RABGAP1L: variants seen among roughly 807,000 people sequenced by gnomAD.
RABGAP1L encodes rab GTPase-activating protein 1-like.
RABGAP1L carries 63 observed loss-of-function variants against 137.7 expected under a neutral mutation model. The ratio of observed to expected loss-of-function variants is 0.46; its 90% confidence interval spans 0.37 to 0.56. RABGAP1L has a LOEUF of 0.56. RABGAP1L is among the 20% of genes least tolerant of loss of function. The pLI, the probability that RABGAP1L is intolerant of heterozygous loss-of-function variation, is 0.00. For synonymous variants in RABGAP1L, 431 were observed against 433.7 expected (o/e 0.99, Z 0.08); for missense variants, 1,095 against 1,244.0 (o/e 0.88, Z 1.80).
At chr1:174,574,421 C>G (rs1668212540) in intron 13 of RABGAP1L, among the ~76,000 whole-genome samples, 1 of 151,886 alleles carries the variant, frequency 6.6e-6, no homozygotes, top group Non-Finnish European at 1.5e-5. Flanking sequence ...CGATCTTGTT[C>G]TCAATGAAAG....
intron 19 of RABGAP1L, among the ~76,000 whole-genome samples, chr1:174,935,719 C>T (rs947134755): frequency 2.7e-4 from 41 of 152,134 alleles, no homozygotes; most frequent in African/African-American, 9.2e-4. Flanking sequence ...CAGTGGCTCA[C>T]GCCTGTAATC....
At position 174,434,562 on chromosome 1, in the gene RABGAP1L, A is replaced by C. The variant is rs1032482145; in HGVS notation, c.1710+40417A>C. On this transcript the variant is annotated intron_variant, in intron 13 of 25. Coordinates refer to ENST00000681986, the MANE Select transcript of RABGAP1L (RefSeq NM_001366446.1). The stretch of plus-strand genomic sequence containing the variant: ...TCCAAACTGTTTGTCAAAGTTTTCA[A>C]AGTTGAGCCATTTTACACTACTACC... Among the ~76,000 whole-genome samples the C allele has an allele frequency of 1.1e-4, 16 of 152,292 alleles. 1 individual carries two copies. Among genetic ancestry groups the C allele is most frequent in the Admixed American group, 1.0e-3 (16 of 15,296 alleles).
intron 13 of RABGAP1L, among the ~76,000 whole-genome samples, chr1:174,499,200 T>G (rs1183324059): frequency 6.6e-6 from 1 of 152,120 alleles, no homozygotes; most frequent in Non-Finnish European, 1.5e-5. Context: ...ATAGTTTATA[T>G]ATTCTTGATT....
intron 19 of RABGAP1L, chr1:174,945,856 C>G (rs1375326592): frequency 6.6e-6 from 1 of 152,154 alleles, no homozygotes; most frequent in African/African-American, 2.4e-5. Context: ...TATAAATCTT[C>G]TGAGTGGTTT....
intron 14 of RABGAP1L, among the ~76,000 whole-genome samples, chr1:174,667,110 C>A (rs1251411103): frequency 6.6e-6 from 1 of 151,852 alleles, no homozygotes; most frequent in Non-Finnish European, 1.5e-5. Flanking sequence ...TAAGTTTTAT[C>A]CTGTGGTCAG....
chr1:174,969,881 A>G lies in RABGAP1L; in HGVS notation c.2544+494A>G, dbSNP rs561328202. Reference sequence around the variant, plus strand: ...AATGCTGGCACCACCACTGTGAACCATATGACCCTGGACAGTTCTTAAGCT... The same window carrying G: ...AATGCTGGCACCACCACTGTGAACCGTATGACCCTGGACAGTTCTTAAGCT... On this transcript the variant is annotated intron_variant, in intron 21 of 25. Coordinates refer to ENST00000681986, the MANE Select transcript of RABGAP1L (RefSeq NM_001366446.1). Among the ~76,000 whole-genome samples the G allele has an allele frequency of 2.0e-5, 3 of 152,360 alleles. No homozygotes were observed. In the South Asian group the frequency reaches 6.2e-4, roughly 32 times the overall value.
chr1:174,636,527 CAAAA>C (rs11348226), intron 13 of RABGAP1L, among the ~76,000 whole-genome samples: 3 of 135,266 alleles, frequency 2.2e-5, no homozygotes, highest in Admixed American at 7.5e-5. Flanking sequence ...GACTCTACTT[CAAAA>C]AAAAAAAAAA....
At chr1:174,799,813 AATCG>A in intron 18 of RABGAP1L, 3 of 998,014 alleles carry the variant, frequency 3.0e-6, no homozygotes, top group Non-Finnish European at 3.6e-6. Context: ...GCTTGTCACG[AATCG>A]AGGATTGCAA....
chr1:174,270,237 A>G (rs539003385), intron 7 of RABGAP1L, among the ~76,000 whole-genome samples: 122 of 152,004 alleles, frequency 8.0e-4, no homozygotes, highest in Middle Eastern at 3.4e-3. Context: ...AGTGCATTAA[A>G]GATTATCAAA....
intron 10 of RABGAP1L, among the ~76,000 whole-genome samples, chr1:174,282,038 G>A (rs974602692): frequency 6.6e-6 from 1 of 152,108 alleles, no homozygotes; most frequent in Non-Finnish European, 1.5e-5. Flanking sequence ...TTATTCCTTT[G>A]TATAGCTGTA....
At chr1:174,883,059 G>T (rs1654508536) in intron 19 of RABGAP1L, among the ~76,000 whole-genome samples, 1 of 152,054 alleles carries the variant, frequency 6.6e-6, no homozygotes, top group Admixed American at 6.6e-5. Flanking sequence ...CCTGACCTCA[G>T]GTGATCCACC....
intron 7 of RABGAP1L, among the ~76,000 whole-genome samples, chr1:174,263,502 T>C (rs1365508954): frequency 6.6e-6 from 1 of 152,192 alleles, no homozygotes; most frequent in East Asian, 1.9e-4. Context: ...AATTAATATC[T>C]AATGATATTA....
At chr1:174,331,158 CCTCT>C (rs143439254) in intron 11 of RABGAP1L, among the ~76,000 whole-genome samples, 2 of 151,814 alleles carry the variant, frequency 1.3e-5, no homozygotes, top group South Asian at 2.1e-4. Context: ...AAACTAGGCC[CCTCT>C]CTCTCTCTGT....
intron 1 of RABGAP1L, among the ~76,000 whole-genome samples, chr1:174,212,173 A>G (rs1366976297): frequency 6.6e-6 from 1 of 152,152 alleles, no homozygotes; most frequent in East Asian, 1.9e-4. Flanking sequence ...ACTGAAGAAT[A>G]CATATTTTTT....
intron 17 of RABGAP1L, among the ~76,000 whole-genome samples, chr1:174,739,784 T>C (rs1683232784): frequency 6.6e-6 from 1 of 152,232 alleles, no homozygotes; most frequent in Admixed American, 6.5e-5. Flanking sequence ...AGGTAATTAA[T>C]AATGGCCTAT....
At chr1:174,797,510 T>C (rs1215946046) in intron 18 of RABGAP1L, among the ~76,000 whole-genome samples, 3 of 105,952 alleles carry the variant, frequency 2.8e-5, no homozygotes, top group Non-Finnish European at 3.8e-5. Context: ...GTGTGGGATG[T>C]GTGTGTAGGG....
intron 19 of RABGAP1L, among the ~76,000 whole-genome samples, chr1:174,929,611 G>A (rs956971818): frequency 3.3e-5 from 5 of 151,618 alleles, no homozygotes; most frequent in Non-Finnish European, 7.4e-5. Flanking sequence ...AGGTGTAGTG[G>A]CATGCGCCTG....
intron 13 of RABGAP1L, among the ~76,000 whole-genome samples, chr1:174,602,294 AC>A (rs1670472803): frequency 6.6e-6 from 1 of 152,186 alleles, no homozygotes; most frequent in Admixed American, 6.5e-5. Flanking sequence ...GGCTAAAGGC[AC>A]CTCTTAAGTG....
At chr1:174,711,343 A>G (rs920697143) in intron 17 of RABGAP1L, among the ~76,000 whole-genome samples, 2 of 151,924 alleles carry the variant, frequency 1.3e-5, no homozygotes, top group African/African-American at 4.8e-5. Flanking sequence ...GAGCCCAGGC[A>G]GAGGAGGCAC....
Sources: gnomAD v4.1 joint callset for allele counts (sites outside exome capture counted in the v4.1 genomes callset) on GRCh38, gnomAD v4.1.1 for gene constraint, MANE v1.5 for transcripts, NCBI Gene and HGNC (gene_info 2026-07-23, HGNC 2026-07-21) for gene names.